The following TTC3 variants were observed in gnomAD, a reference collection of about 807,000 sequenced individuals.
TTC3 encodes tetratricopeptide repeat domain 3.
In TTC3, 180 loss-of-function variants were observed where a neutral mutation model predicts 249.6. The observed-to-expected ratio is 0.72, with a 90% CI of 0.64 to 0.82. The LOEUF (loss-of-function observed/expected upper bound fraction) is 0.82. Ranked by LOEUF, TTC3 falls within the 40% of genes least tolerant of loss-of-function variation. TTC3 has a pLI of 0.00. For synonymous variants in TTC3, 717 were observed against 805.0 expected (o/e 0.89, Z 1.85); for missense variants, 2,061 against 2,398.4 (o/e 0.86, Z 2.94).
intron 10 of TTC3, among the ~76,000 whole-genome samples, chr21:37,104,588 C>CAAAAAAA (rs141618903): frequency 1.2e-4 from 12 of 104,290 alleles, no homozygotes; most frequent in Middle Eastern, 5.1e-3. Context: ...AACTCCGTCT[C>CAAAAAAA]AAAAAAAAAA....
chr21:37,073,477 AGT>A lies in TTC3; in HGVS notation c.-12+117_-12+118del, dbSNP rs1253624840. On this transcript the variant is annotated intron_variant, in intron 1 of 45. Coordinates refer to ENST00000355666, the Ensembl canonical transcript of TTC3. The stretch of plus-strand genomic sequence containing the variant: ...ACACCCCCTCCGTGGGTGTGTGGTG[AGT>A]GTGGGTGTGTGCGCGTCTCCTCGCG... 1 of 984,952 alleles carries A rather than the reference AGT, an allele frequency of 1.0e-6. No homozygotes were observed. 61.0% of individuals were successfully genotyped at this position (984,952 alleles called of 1,614,324 possible).
chr21:37,166,403 G>C (rs149029759), exon 33 of TTC3: 2 of 1,614,078 alleles, frequency 1.2e-6, no homozygotes, highest in African/African-American at 2.7e-5. Context: ...GAATGTTGCT[G>C]GTCACCAGAT....
intron 35 of TTC3, among the ~76,000 whole-genome samples, chr21:37,174,975 G>T (rs1198551700): frequency 2.0e-5 from 3 of 152,020 alleles, no homozygotes; most frequent in Admixed American, 6.6e-5. Flanking sequence ...TTAGCATATG[G>T]CCAGGCGCGG....
At chr21:37,179,560 A>T (rs2082567144) in intron 35 of TTC3, among the ~76,000 whole-genome samples, 1 of 152,184 alleles carries the variant, frequency 6.6e-6, no homozygotes, top group Non-Finnish European at 1.5e-5. Context: ...CTGCTTACCC[A>T]TTTAGGTCTG....
chr21:37,166,061 T>C, exon 33 of TTC3: 1 of 1,614,200 alleles, frequency 6.2e-7, no homozygotes, highest in Non-Finnish European at 8.5e-7. Flanking sequence ...TAAACCAGGC[T>C]CTGAGGATGC....
At chr21:37,092,258 G>T (rs932548641) in intron 7 of TTC3, among the ~76,000 whole-genome samples, 2 of 152,198 alleles carry the variant, frequency 1.3e-5, no homozygotes, top group Non-Finnish European at 2.9e-5. Context: ...CATCTCTGCT[G>T]AGATAAAGGC....
chr21:37,117,657 G>A (rs74465493), intron 11 of TTC3, among the ~76,000 whole-genome samples: 3,048 of 151,796 alleles, frequency 0.02, 53 homozygotes, highest in Middle Eastern at 0.044. Flanking sequence ...AGGGCAGGAC[G>A]GGCAGATCCC....
intron 35 of TTC3, among the ~76,000 whole-genome samples, chr21:37,175,511 C>G (rs1371315926): frequency 6.9e-6 from 1 of 144,400 alleles, no homozygotes; most frequent in East Asian, 2.1e-4. Context: ...GTGGGAGAAT[C>G]AGTTGAACCC....
At chr21:37,183,033 G>T in intron 36 of TTC3, 120 bp downstream of exon 36, 1 of 886,094 alleles carries the variant, frequency 1.1e-6, no homozygotes, top group Non-Finnish European at 1.6e-6. Context: ...AATGAATACT[G>T]TTTTCATTGT....
chr21:37,105,618 A>G (rs1278752887), intron 10 of TTC3, among the ~76,000 whole-genome samples: 2 of 152,214 alleles, frequency 1.3e-5, no homozygotes, highest in Admixed American at 1.3e-4. Flanking sequence ...TCACAACCCC[A>G]GTACCCCAGA....
At chr21:37,162,788 T>A (rs1372198067) in intron 31 of TTC3, among the ~76,000 whole-genome samples, 1 of 134,770 alleles carries the variant, frequency 7.4e-6, no homozygotes, top group Non-Finnish European at 1.6e-5. Context: ...CACACAGAAA[T>A]TTATTTCTCA....
chr21:37,106,378 G>A (rs1263714374), intron 10 of TTC3, among the ~76,000 whole-genome samples: 3 of 152,034 alleles, frequency 2.0e-5, no homozygotes, highest in Non-Finnish European at 4.4e-5. Context: ...CACTGTTGAT[G>A]TTTTCACAAA....
chr21:37,200,224 T>G lies in TTC3; in HGVS notation c.5851-8T>G, dbSNP rs369720348. 6 of 1,613,898 alleles carry G rather than the reference T, an allele frequency of 3.7e-6. No individual in the cohort carries two copies. The highest frequency in any genetic ancestry group is 2.2e-5 in the East Asian group (1 of 44,880). On this transcript the variant is annotated splice_polypyrimidine_tract_variant and splice_region_variant and intron_variant, in intron 44 of 45. Transcript: ENST00000355666. ...TTCTTTACTATTCAGGTGTGTTTGTTTCCACAGGCACTGGGTGCAAGTTCC... is the reference window on the plus strand; with the variant it reads ...TTCTTTACTATTCAGGTGTGTTTGTGTCCACAGGCACTGGGTGCAAGTTCC...
At chr21:37,159,129 G>A (rs1485304337) in intron 28 of TTC3, among the ~76,000 whole-genome samples, 1 of 152,126 alleles carries the variant, frequency 6.6e-6, no homozygotes, top group Non-Finnish European at 1.5e-5. Flanking sequence ...CCCCACTACT[G>A]ACTGTGCCCA....
intron 25 of TTC3, among the ~76,000 whole-genome samples, 158 bp from the exon 26 acceptor site, chr21:37,151,735 T>C (rs950189586): frequency 5.3e-5 from 8 of 152,296 alleles, no homozygotes; most frequent in African/African-American, 1.4e-4. Flanking sequence ...AGTACCCTTA[T>C]TTTGACAATA....
intron 16 of TTC3, among the ~76,000 whole-genome samples, chr21:37,129,324 A>C (rs1473520295): frequency 6.6e-6 from 1 of 152,160 alleles, no homozygotes; most frequent in Admixed American, 6.5e-5. Flanking sequence ...AAATCCCAGA[A>C]TATGTACTCT....
intron 10 of TTC3, among the ~76,000 whole-genome samples, chr21:37,100,541 T>C (rs939290697): frequency 6.6e-6 from 1 of 152,162 alleles, no homozygotes; most frequent in African/African-American, 2.4e-5. Context: ...GTGATGATTT[T>C]AATGCCAAAA....
intron 20 of TTC3, among the ~76,000 whole-genome samples, chr21:37,143,477 C>A (rs2078685037): frequency 6.6e-6 from 1 of 151,950 alleles, no homozygotes; most frequent in African/African-American, 2.4e-5. Context: ...ATGCAGCCAA[C>A]AGACACATGA....
At chr21:37,131,526 G>C (rs1184907198) in intron 16 of TTC3, among the ~76,000 whole-genome samples, 1 of 152,084 alleles carries the variant, frequency 6.6e-6, no homozygotes, top group Non-Finnish European at 1.5e-5. Context: ...TTTTTGAGTT[G>C]TATCCTTTAT....
Sources: gnomAD v4.1 joint callset for allele counts (sites outside exome capture counted in the v4.1 genomes callset) on GRCh38, gnomAD v4.1.1 for gene constraint, MANE v1.5 for transcripts, NCBI Gene and HGNC (gene_info 2026-07-23, HGNC 2026-07-21) for gene names.